DLG2: variants seen among roughly 807,000 people sequenced by gnomAD.
The protein encoded by DLG2 is discs large MAGUK scaffold protein 2.
Under a neutral mutation model 132.5 loss-of-function variants are expected in DLG2, and 45 were observed. The observed-to-expected ratio is 0.34, with a 90% CI of 0.27 to 0.44. The LOEUF is 0.44. Among genes scored for constraint, DLG2 ranks in the 20% least tolerant of loss-of-function variants. The probability of loss-of-function intolerance (pLI) is 1.00; values close to 1 mark genes in which losing one functional copy is unlikely to be tolerated. For missense variants in DLG2, 1,045 were observed against 1,196.9 expected (o/e 0.87, Z 1.87); for synonymous variants, 424 against 419.6 (o/e 1.01, Z -0.13).
chr11:85,490,561 CA>C (rs1477839223), intron 3 of DLG2, among the ~76,000 whole-genome samples: 1 of 151,302 alleles, frequency 6.6e-6, no homozygotes, highest in South Asian at 2.1e-4. Context: ...GAATAACCAA[CA>C]AAAAAAGAAA....
chr11:84,573,902 A>C (rs939643704), intron 6 of DLG2, among the ~76,000 whole-genome samples: 1 of 152,202 alleles, frequency 6.6e-6, no homozygotes, highest in Non-Finnish European at 1.5e-5. Context: ...ACTGAGAAGA[A>C]CTATGAAGAC....
chr11:85,525,913 T>C (rs890108107), intron 3 of DLG2, among the ~76,000 whole-genome samples: 2 of 152,200 alleles, frequency 1.3e-5, no homozygotes, highest in African/African-American at 4.8e-5. Flanking sequence ...CCGCCTTTAG[T>C]CTTTAGCAGA....
At chr11:83,570,959 T>C (rs2096785911) in intron 19 of DLG2, among the ~76,000 whole-genome samples, 1 of 152,130 alleles carries the variant, frequency 6.6e-6, no homozygotes, top group Non-Finnish European at 1.5e-5. Context: ...CTCAGCTCAC[T>C]ACAACTTCCA....
intron 3 of DLG2, among the ~76,000 whole-genome samples, chr11:85,424,044 C>T (rs1481950571): frequency 1.3e-5 from 2 of 152,162 alleles, no homozygotes; most frequent in East Asian, 3.9e-4. Context: ...GCCAACCTCC[C>T]AAAGGACCCC....
At chr11:83,462,945 TA>T (rs61210518) in intron 26 of DLG2, among the ~76,000 whole-genome samples, 3,491 of 150,104 alleles carry the variant, frequency 0.023, 116 homozygotes, top group African/African-American at 0.072. Flanking sequence ...TTCCAGGTGT[TA>T]AAAAAAAAAT....
At chr11:84,895,820 A>C (rs886215349) in intron 6 of DLG2, among the ~76,000 whole-genome samples, 9 of 151,934 alleles carry the variant, frequency 5.9e-5, no homozygotes, top group African/African-American at 2.2e-4. Flanking sequence ...TATAATAATC[A>C]TCTGAGAATG....
chr11:84,336,861 G>C (rs2098487169), intron 7 of DLG2, among the ~76,000 whole-genome samples: 1 of 152,136 alleles, frequency 6.6e-6, no homozygotes, highest in African/African-American at 2.4e-5. Flanking sequence ...TCTACAAATT[G>C]AGTATTCTTG....
In DLG2 at chr11:85,162,230, A is replaced by G. The variant is rs916660217; in HGVS notation, c.187-7579T>C. ...GTAAGGAAGTGTGTGCGTGGAATAC[A>G]GGAGATCCATTAGGGCCTCTCTTAG... On this transcript the variant is annotated intron_variant, in intron 4 of 27. Coordinates refer to ENST00000376104, the MANE Select transcript of DLG2 (RefSeq NM_001142699.3). Among the ~76,000 whole-genome samples, 8 of 152,332 alleles carry G rather than the reference A, an allele frequency of 5.3e-5. 1 individual carries two copies. Among genetic ancestry groups the G allele is most frequent in the Admixed American group, 3.3e-4 (5 of 15,300 alleles).
chr11:84,075,818 A>G (rs1054254880), intron 10 of DLG2, among the ~76,000 whole-genome samples: 2 of 152,168 alleles, frequency 1.3e-5, no homozygotes, highest in Non-Finnish European at 2.9e-5. Context: ...ATTCAAATTA[A>G]TTTGTGATGA....
chr11:85,107,109 G>A (rs1287498298), intron 6 of DLG2, among the ~76,000 whole-genome samples: 1 of 151,936 alleles, frequency 6.6e-6, no homozygotes, highest in Admixed American at 6.6e-5. Context: ...TATGCTATTT[G>A]AGAATTTTTC....
chr11:83,720,442 C>T (rs1366223610), intron 18 of DLG2, among the ~76,000 whole-genome samples: 1 of 150,056 alleles, frequency 6.7e-6, no homozygotes, highest in East Asian at 2.0e-4. Flanking sequence ...TTACCTTTTT[C>T]AAGATTCTCA....
chr11:84,160,803 C>T (rs781386571), intron 9 of DLG2, among the ~76,000 whole-genome samples: 1 of 152,068 alleles, frequency 6.6e-6, no homozygotes, highest in Non-Finnish European at 1.5e-5. Context: ...TAGGAACTTT[C>T]CTTCATTGCC....
At chr11:85,072,176 T>G (rs1392458813) in intron 6 of DLG2, among the ~76,000 whole-genome samples, 1 of 151,838 alleles carries the variant, frequency 6.6e-6, no homozygotes, top group East Asian at 1.9e-4. Context: ...ATTCTAATTT[T>G]TACAATAGGC....
intron 3 of DLG2, among the ~76,000 whole-genome samples, chr11:85,558,867 T>G (rs1377896392): frequency 2.0e-5 from 3 of 151,774 alleles, no homozygotes; most frequent in African/African-American, 7.2e-5. Context: ...ACGGGATCAA[T>G]CATACCTCAA....
chr11:84,986,506 A>G (rs2056508859), intron 6 of DLG2, among the ~76,000 whole-genome samples: 1 of 152,212 alleles, frequency 6.6e-6, no homozygotes, highest in Admixed American at 6.5e-5. Context: ...CCTGATGAAC[A>G]TAGATGCTAA....
chr11:85,151,927 T>C (rs1001511771), intron 5 of DLG2, among the ~76,000 whole-genome samples: 4 of 152,146 alleles, frequency 2.6e-5, no homozygotes, highest in Non-Finnish European at 5.9e-5. Context: ...TGTAAACATA[T>C]AGAGACAAAG....
chr11:84,196,397 T>C (rs377369566), intron 8 of DLG2, among the ~76,000 whole-genome samples: 109 of 152,200 alleles, frequency 7.2e-4, no homozygotes, highest in Middle Eastern at 3.4e-3. Flanking sequence ...GAGAACTGTG[T>C]GAGAAAGTGT....
chr11:84,819,106 C>CACACACACACACACA (rs769677741), intron 6 of DLG2, among the ~76,000 whole-genome samples: 14 of 150,434 alleles, frequency 9.3e-5, no homozygotes, highest in African/African-American at 2.5e-4. Flanking sequence ...CACACACACA[C>CACACACACACACACA]AATTTCGTTT....
At chr11:85,291,687 C>T (rs1185075064) in intron 3 of DLG2, among the ~76,000 whole-genome samples, 1 of 150,362 alleles carries the variant, frequency 6.7e-6, no homozygotes, top group African/African-American at 2.4e-5. Flanking sequence ...AGGGTTCAAG[C>T]GATTATCCTG....
Sources: gnomAD v4.1 joint callset for allele counts (sites outside exome capture counted in the v4.1 genomes callset) on GRCh38, gnomAD v4.1.1 for gene constraint, MANE v1.5 for transcripts, NCBI Gene and HGNC (gene_info 2026-07-23, HGNC 2026-07-21) for gene names.